TMC2: variants seen among roughly 807,000 people sequenced by gnomAD.
The protein encoded by TMC2 is transmembrane channel like 2, also known as transmembrane channel-like protein 2.
In TMC2, 102 loss-of-function variants were observed where a neutral mutation model predicts 105.9. The ratio of observed to expected loss-of-function variants is 0.96; its 90% CI spans 0.82 to 1.14. The LOEUF is 1.14. Ranked by LOEUF, TMC2 falls within the 50% of genes most tolerant of loss-of-function variation. TMC2 has a pLI of 0.00. For synonymous variants in TMC2, 402 were observed against 422.8 expected (o/e 0.95, Z 0.60); for missense variants, 1,093 against 1,134.3 (o/e 0.96, Z 0.52).
rs145953000 is a variant in TMC2, at chr20:2,572,032, A to G, written c.555-147A>G. On this transcript the variant is annotated intron_variant, in intron 4 of 19. Transcript: ENST00000358864. Reference sequence around the variant, plus strand: ...GGAAACTTCAGTGGATAAAACAGACAGAATGTCGTGCCTTCATGGAATTTA... The same window carrying G: ...GGAAACTTCAGTGGATAAAACAGACGGAATGTCGTGCCTTCATGGAATTTA... The G allele has an allele frequency of 1.8e-3, 1,199 of 653,664 alleles. 10 individuals carry two copies. The African/African-American group carries it at 0.02, about 11-fold the overall frequency. 40.5% of individuals were successfully genotyped at this position (653,664 alleles called of 1,614,324 possible). A position where few individuals can be genotyped will look rare whatever the true frequency, so the allele number is the denominator to read the frequency against.
chr20:2,601,038 C>CA (rs1052118977), intron 10 of TMC2, among the ~76,000 whole-genome samples: 18 of 143,054 alleles, frequency 1.3e-4, no homozygotes, highest in East Asian at 4.0e-4. Flanking sequence ...TAATAGTATC[C>CA]AAAAAAAACC....
intron 13 of TMC2, among the ~76,000 whole-genome samples, chr20:2,612,774 G>T (rs1461647795): frequency 6.6e-6 from 1 of 152,154 alleles, no homozygotes; most frequent in Non-Finnish European, 1.5e-5. Context: ...AGTGACTGAC[G>T]GTCACATTTG....
intron 18 of TMC2, among the ~76,000 whole-genome samples, chr20:2,636,289 G>C (rs1382194081): frequency 6.6e-6 from 1 of 152,164 alleles, no homozygotes; most frequent in Non-Finnish European, 1.5e-5. Context: ...GAAAAAGCCA[G>C]TATCCACAAT....
At chr20:2,596,333 A>G (rs2086306351) in intron 9 of TMC2, among the ~76,000 whole-genome samples, 1 of 152,130 alleles carries the variant, frequency 6.6e-6, no homozygotes, top group African/African-American at 2.4e-5. Context: ...ATGGTTTTGC[A>G]ATTAAAAGTA....
intron 4 of TMC2, among the ~76,000 whole-genome samples, 194 bp from the exon 5 acceptor site, chr20:2,571,985 C>G (rs1482304062): frequency 2.0e-5 from 3 of 152,194 alleles, no homozygotes; most frequent in African/African-American, 7.2e-5. Context: ...TGTTATGTAC[C>G]TCGCACTCTT....
rs757384078 is a variant in TMC2, at chr20:2,610,528, G to A, written c.1523G>A (p.Arg508His). The stretch of plus-strand genomic sequence containing the variant: ...ACTGGACTGAAGTGGCAGCTGGGAC[G>A]CATCTTTGCACTCTTCCTGGGGAAC... ...PRTGLKWQLG[R>H]IFALFLGNLY... The change falls in exon 12 of 20, where the codon CGC (arginine) becomes CAC (histidine). Residue 508 changes from arginine to histidine, a missense_variant. Arg to His is a conservative substitution (Grantham distance 29). Coordinates refer to ENST00000358864, the MANE Select transcript of TMC2 (RefSeq NM_080751.3). The A allele has an allele frequency of 5.0e-6, 8 of 1,613,412 alleles. 1 individual carries two copies. Among genetic ancestry groups the A allele is most frequent in the South Asian group, 3.3e-5 (3 of 91,006 alleles).
At chr20:2,542,755 C>CGTG (rs2085898317) in intron 2 of TMC2, among the ~76,000 whole-genome samples, 1 of 149,860 alleles carries the variant, frequency 6.7e-6, no homozygotes, top group Non-Finnish European at 1.5e-5. Flanking sequence ...GTCAGTGGCA[C>CGTG]ATCTTGGCTC....
At chr20:2,543,237 A>AAAAAT (rs1177213190) in intron 2 of TMC2, among the ~76,000 whole-genome samples, 1 of 152,170 alleles carries the variant, frequency 6.6e-6, no homozygotes, top group African/African-American at 2.4e-5. Context: ...ACTCTGTCTC[A>AAAAAT]AAAATAAAAT....
At chr20:2,552,253 G>A (rs1170499550) in intron 2 of TMC2, among the ~76,000 whole-genome samples, 1 of 152,176 alleles carries the variant, frequency 6.6e-6, no homozygotes, top group East Asian at 1.9e-4. Flanking sequence ...ATGAGACCCT[G>A]TCTCTAAACA....
chr20:2,581,264 A>G (rs1194077393), intron 7 of TMC2, among the ~76,000 whole-genome samples: 1 of 152,244 alleles, frequency 6.6e-6, no homozygotes, highest in Non-Finnish European at 1.5e-5. Context: ...CTTTGGTAGC[A>G]AAGGAGTGTT....
chr20:2,577,729 A>G (rs1004617965), intron 5 of TMC2, among the ~76,000 whole-genome samples: 1 of 151,862 alleles, frequency 6.6e-6, no homozygotes, highest in African/African-American at 2.4e-5. Flanking sequence ...CCTGGGCCGC[A>G]TGGTGAGACC....
At chr20:2,549,988 G>A (rs902108312) in intron 2 of TMC2, among the ~76,000 whole-genome samples, 1 of 152,048 alleles carries the variant, frequency 6.6e-6, no homozygotes, top group Non-Finnish European at 1.5e-5. Flanking sequence ...TTGGAGACCA[G>A]CCTGGCCAAC....
intron 14 of TMC2, among the ~76,000 whole-genome samples, chr20:2,614,215 G>A (rs1841823130): frequency 6.6e-6 from 1 of 152,158 alleles, no homozygotes; most frequent in South Asian, 2.1e-4. Flanking sequence ...AGAGGTCATT[G>A]TTCTTAAATT....
intron 17 of TMC2, among the ~76,000 whole-genome samples, chr20:2,631,810 T>C (rs899793027): frequency 1.3e-5 from 2 of 152,070 alleles, no homozygotes; most frequent in African/African-American, 4.8e-5. Context: ...TTTTTCATCA[T>C]ATTTGGGGAT....
At position 2,558,651 on chromosome 20, in the gene TMC2, G is replaced by A. The variant is rs780855012; in HGVS notation, c.278G>A (p.Arg93Lys). The change falls in exon 3 of 20, where the codon AGG (arginine) becomes AAG (lysine). Residue 93 changes from arginine to lysine, a missense_variant. By Grantham distance (26) the Arg-to-Lys change is conservative. Transcript: ENST00000358864. The surrounding 1 kb of genome is among the most constrained non-coding windows in gnomAD (Gnocchi z 4.6). Reference sequence around the variant, plus strand: ...GAGCAGGAGCGGGGCGAGGCAGAGAGGACCTGCGAGGGCAGGAGAAAGCGC... The same window carrying A: ...GAGCAGGAGCGGGGCGAGGCAGAGAAGACCTGCGAGGGCAGGAGAAAGCGC... ...LGEQERGEAERTCEGRRKRDE... is the reference protein window; with the variant it reads ...LGEQERGEAEKTCEGRRKRDE... 2.5e-6 allele frequency: 4 copies of A among 1,581,274 alleles called. No homozygotes were observed. Among genetic ancestry groups the A allele is most frequent in the African/African-American group, 2.7e-5 (2 of 74,346 alleles).
At chr20:2,587,400 G>C (rs1381794640) in intron 7 of TMC2, among the ~76,000 whole-genome samples, 1 of 151,934 alleles carries the variant, frequency 6.6e-6, no homozygotes, top group Non-Finnish European at 1.5e-5. Flanking sequence ...TATATCATCT[G>C]ATTTTGATTT....
chr20:2,579,303 C>A, intron 6 of TMC2, 76 bp downstream of exon 6: 1 of 842,118 alleles, frequency 1.2e-6, no homozygotes, highest in Non-Finnish European at 2.0e-6. Flanking sequence ...GTTTCCTTGG[C>A]CCTCTGAATA....
chr20:2,586,784 G>GACAA (rs112429187), intron 7 of TMC2, among the ~76,000 whole-genome samples: 9,120 of 152,116 alleles, frequency 0.06, 896 homozygotes, highest in African/African-American at 0.2. Context: ...AGTTGGAAGG[G>GACAA]ACATTCAAAT....
chr20:2,592,158 A>C lies in TMC2; in HGVS notation c.835-152A>C. 1 of 523,866 alleles carries C rather than the reference A, an allele frequency of 1.9e-6. No homozygotes were observed. Among genetic ancestry groups the C allele is most frequent in the East Asian group, 3.1e-5 (1 of 31,782 alleles). The allele number at this position is 523,866 out of a possible 1,614,324, so 32.5% of individuals were successfully genotyped here. A position where few individuals can be genotyped will look rare whatever the true frequency, so the allele number is the denominator to read the frequency against. On this transcript the variant is annotated intron_variant, in intron 7 of 19. Coordinates refer to ENST00000358864, the MANE Select transcript of TMC2 (RefSeq NM_080751.3). This position sits in a 1 kb window ranked among gnomAD's most constrained non-coding sequence, Gnocchi z 4.9. ...CAAGAGTGAAACTCCATCTCAAAAA[A>C]TAAAAAATGAATTAAATTAATAAAT...
Sources: allele counts gnomAD v4.1 joint callset (sites outside exome capture counted in the v4.1 genomes callset), GRCh38; gene constraint gnomAD v4.1.1; non-coding constraint Gnocchi (gnomAD v3.1); transcripts MANE v1.5; gene names NCBI Gene and HGNC (gene_info 2026-07-23, HGNC 2026-07-21).